LFNG: variants seen among roughly 807,000 people sequenced by gnomAD.
The protein encoded by LFNG is LFNG O-fucosylpeptide 3-beta-N-acetylglucosaminyltransferase.
Under a neutral mutation model 32.7 loss-of-function variants are expected in LFNG, and 15 were observed. The ratio of observed to expected loss-of-function variants is 0.46; its 90% CI spans 0.31 to 0.71. LFNG has a LOEUF of 0.71. Among genes scored for constraint, LFNG ranks in the 30% least tolerant of loss-of-function variants. LFNG has a pLI of 0.06. For missense variants in LFNG, 520 were observed against 545.7 expected (o/e 0.95, Z 0.47); for synonymous variants, 274 against 246.8 (o/e 1.11, Z -1.03).
chr7:2,520,260 G>T lies in LFNG; in HGVS notation c.399G>T (p.Leu133=). The change falls in exon 1 of 8, where the codon CTG becomes CTT. Residue 133 remains leucine (L), a synonymous_variant. Coordinates refer to ENST00000222725, the MANE Select transcript of LFNG (RefSeq NM_001040167.2). The surrounding 1 kb of genome is among the most constrained non-coding windows in gnomAD (Gnocchi z 5.0). ...KKFHRARLDL[L]LETWISRHKE... is the part of the protein sequence containing the mutation. ...TCCACCGCGCGCGCCTCGACCTGCT[G>T]CTGGAGACCTGGATCTCGCGCCACA... 6.2e-7 allele frequency: 1 copy of T among 1,610,398 alleles called. No individual in the cohort carries two copies. Among genetic ancestry groups the T allele is most frequent in the South Asian group, 1.1e-5 (1 of 91,002 alleles).
At chr7:2,528,757 G>C (rs1780072887), downstream of LFNG, 2 of 638,812 alleles carry the variant, frequency 3.1e-6, no homozygotes, top group Non-Finnish European at 2.9e-6. Context: ...CTGGCCACTG[G>C]GGAGCCCAGC....
At chr7:2,514,606 C>T (rs1451719601), upstream of LFNG, among the ~76,000 whole-genome samples, 4 of 151,858 alleles carry the variant, frequency 2.6e-5, no homozygotes, top group African/African-American at 7.3e-5. Context: ...ATCTGTCCAT[C>T]CATTCATCTG....
chr7:2,524,844 G>T, intron 2 of LFNG, 101 bp downstream of exon 2: 1 of 1,110,392 alleles, frequency 9.0e-7, no homozygotes. Context: ...AGGTCACCAA[G>T]GGCAGGACAG....
chr7:2,526,870 G>T lies in LFNG; in HGVS notation c.1022G>T (p.Arg341Leu). The T allele has an allele frequency of 1.2e-6, 2 of 1,612,470 alleles. No individual in the cohort carries two copies. Among genetic ancestry groups the T allele is most frequent in the Non-Finnish European group, 1.7e-6 (2 of 1,179,900 alleles). Residue 341 changes from arginine (R) to leucine (L), a missense_variant, in exon 7 of 8, where the codon CGG (arginine) becomes CTG (leucine). Physicochemically the swap from Arg to Leu is moderately radical, Grantham distance 102. Transcript: ENST00000222725. This position sits in a 1 kb window ranked among gnomAD's most constrained non-coding sequence, Gnocchi z 6.9. ...AGCTACGGTATGTTTGAAAACAAGCGGAACGCCGTCCACGTGAAGGGGCCC... is the reference window on the plus strand; with the variant it reads ...AGCTACGGTATGTTTGAAAACAAGCTGAACGCCGTCCACGTGAAGGGGCCC... ...TLSYGMFENK[R>L]NAVHVKGPFS...
chr7:2,526,864 A>G lies in LFNG; in HGVS notation c.1016A>G (p.Asn339Ser). ...QVTLSYGMFE[N>S]KRNAVHVKGP... ...ACGCTGAGCTACGGTATGTTTGAAAACAAGCGGAACGCCGTCCACGTGAAG... is the reference window on the plus strand; with the variant it reads ...ACGCTGAGCTACGGTATGTTTGAAAGCAAGCGGAACGCCGTCCACGTGAAG... Residue 339 changes from asparagine to serine, a missense_variant, in exon 7 of 8, where the codon AAC becomes AGC. By Grantham distance (46) the Asn-to-Ser change is conservative. Around this residue, in one of 3 missense-constraint regions of LFNG, gnomAD observed 150 missense variants for 159.9 expected, o/e 0.94. Coordinates refer to ENST00000222725, the MANE Select transcript of LFNG (RefSeq NM_001040167.2). The surrounding 1 kb of genome is among the most constrained non-coding windows in gnomAD (Gnocchi z 6.9). 6.2e-7 allele frequency: 1 copy of G among 1,609,990 alleles called. No individual in the cohort carries two copies. Among genetic ancestry groups the G allele is most frequent in the Middle Eastern group, 1.7e-4 (1 of 6,052 alleles).
chr7:2,520,656 T>A lies in LFNG; in HGVS notation c.432+363T>A, dbSNP rs947006829. On this transcript the variant is annotated intron_variant, in intron 1 of 7. Coordinates refer to ENST00000222725, the MANE Select transcript of LFNG (RefSeq NM_001040167.2). The surrounding 1 kb of genome is among the most constrained non-coding windows in gnomAD (Gnocchi z 5.0). ...TCAAACTTCCACAAGCAAATTCTGTTCGGACCCACCCTCAGCTCAGACCCC... is the reference window on the plus strand; with the variant it reads ...TCAAACTTCCACAAGCAAATTCTGTACGGACCCACCCTCAGCTCAGACCCC... Among the ~76,000 whole-genome samples, 4 of 152,238 alleles carry A rather than the reference T, an allele frequency of 2.6e-5. No individual in the cohort carries two copies. Among genetic ancestry groups the A allele is most frequent in the Non-Finnish European group, 5.9e-5 (4 of 68,046 alleles).
At chr7:2,518,720 A>G, upstream of LFNG, 4 of 1,385,482 alleles carry the variant, frequency 2.9e-6, no homozygotes, top group Admixed American at 6.9e-5. Context: ...GGTCGCAGAG[A>G]CCCTGCTTAG....
upstream of LFNG, chr7:2,518,582 C>T (rs1779688294): frequency 6.2e-7 from 1 of 1,602,504 alleles, no homozygotes; most frequent in South Asian, 1.1e-5. Context: ...TGTCTTGCGG[C>T]TGACATTCAG....
intron 1 of LFNG, among the ~76,000 whole-genome samples, chr7:2,521,640 G>T (rs1402346807): frequency 6.6e-6 from 1 of 152,152 alleles, no homozygotes; most frequent in Admixed American, 6.5e-5. Context: ...TTACTGCTAT[G>T]TGATCTTGGG....
upstream of LFNG, among the ~76,000 whole-genome samples, chr7:2,514,816 G>A (rs972348091): frequency 4.8e-4 from 53 of 111,358 alleles, no homozygotes; most frequent in Non-Finnish European, 6.2e-4. Flanking sequence ...CGGTCTGTCT[G>A]TCCATCCATC....
At position 2,526,165 on chromosome 7, in the gene LFNG, T is replaced by A; in HGVS notation, c.822-79T>A. On this transcript the variant is annotated intron_variant, in intron 5 of 7. Transcript: ENST00000222725. The surrounding 1 kb of genome is among the most constrained non-coding windows in gnomAD (Gnocchi z 6.9). Reference sequence around the variant, plus strand: ...TCCTCTCCCTGAGGAGTGCAGCGCCTTTGCCTGGTGGGGCCTCCCCAGCTC... The same window carrying A: ...TCCTCTCCCTGAGGAGTGCAGCGCCATTGCCTGGTGGGGCCTCCCCAGCTC... The A allele has an allele frequency of 6.6e-7, 1 of 1,525,386 alleles. No individual in the cohort carries two copies. 94.5% of individuals were successfully genotyped at this position (1,525,386 alleles called of 1,614,324 possible).
chr7:2,524,413 C>T (rs529602396), intron 1 of LFNG, among the ~76,000 whole-genome samples: 53 of 152,332 alleles, frequency 3.5e-4, no homozygotes, highest in South Asian at 1.0e-3. Flanking sequence ...TGCCTCACCG[C>T]GCCTGGACGA....
In LFNG at chr7:2,526,992, C is replaced by T. The variant is rs1439314105; in HGVS notation, c.1073+71C>T. 25 of 1,477,570 alleles carry T rather than the reference C, an allele frequency of 1.7e-5. No individual in the cohort carries two copies. The highest frequency in any genetic ancestry group is 5.6e-6 in the Non-Finnish European group (6 of 1,064,096). 91.5% of individuals were successfully genotyped at this position (1,477,570 alleles called of 1,614,324 possible). A position where few individuals can be genotyped will look rare whatever the true frequency, so the allele number is the denominator to read the frequency against. On this transcript the variant is annotated intron_variant, in intron 7 of 7. Coordinates refer to ENST00000222725, the MANE Select transcript of LFNG (RefSeq NM_001040167.2). The surrounding 1 kb of genome is among the most constrained non-coding windows in gnomAD (Gnocchi z 6.9). ...GGCGTCAGGGGGCCTCGTGGAGCTG[C>T]AGCAGGGTCTCTCTAAGCGGCATGA...
chr7:2,520,452 C>G lies in LFNG; in HGVS notation c.432+159C>G, dbSNP rs1401358562. On this transcript the variant is annotated intron_variant, in intron 1 of 7. Coordinates refer to ENST00000222725, the MANE Select transcript of LFNG (RefSeq NM_001040167.2). This position sits in a 1 kb window ranked among gnomAD's most constrained non-coding sequence, Gnocchi z 5.0. ...GTGCACCCCGGTGCACCCAGTTTGC[C>G]TGCTGGGGCCACTCTCCCGTTACAG... is the stretch of plus-strand genomic sequence containing the variant. 6.6e-6 allele frequency among the ~76,000 whole-genome samples: 1 copy of G among 152,194 alleles called. No homozygotes were observed. Among genetic ancestry groups the G allele is most frequent in the Non-Finnish European group, 1.5e-5 (1 of 68,024 alleles).
chr7:2,513,191 G>C (rs187443334), upstream of LFNG: 2 of 1,613,906 alleles, frequency 1.2e-6, no homozygotes, highest in Non-Finnish European at 8.5e-7. Flanking sequence ...CAAATGCTCA[G>C]GAAGGCTGTG....
At position 2,527,311 on chromosome 7, in the gene LFNG, G is replaced by C. The variant is rs1780018838; in HGVS notation, c.*99G>C. The C allele has an allele frequency of 2.6e-6, 4 of 1,553,510 alleles. No homozygotes were observed. Among genetic ancestry groups the C allele is most frequent in the Admixed American group, 3.8e-5 (2 of 52,660 alleles). On this transcript the variant is annotated 3_prime_UTR_variant, in exon 8 of 8. Transcript: ENST00000222725. This position sits in a 1 kb window ranked among gnomAD's most constrained non-coding sequence, Gnocchi z 4.4. ...GGCCTCGGCATTCGAGGCTCCCCTA[G>C]GGCCGTGCCTGTGCGTGTGCGTGTG...
Position 2,527,345 on chromosome 7 carries a change from T to C in LFNG, c.*133T>C, listed in dbSNP as rs1780024267. On this transcript the variant is annotated 3_prime_UTR_variant, in exon 8 of 8. Coordinates refer to ENST00000222725, the MANE Select transcript of LFNG (RefSeq NM_001040167.2). This position sits in a 1 kb window ranked among gnomAD's most constrained non-coding sequence, Gnocchi z 4.4. ...CTGTGCGTGTGCGTGTGCGTGTGTG[T>C]GTGTGTGTACTGCATGCCCACCCGG... is the stretch of plus-strand genomic sequence containing the variant. The C allele has an allele frequency of 2.0e-6, 3 of 1,528,490 alleles. No homozygotes were observed. Among genetic ancestry groups the C allele is most frequent in the Non-Finnish European group, 2.6e-6 (3 of 1,143,298 alleles). 94.7% of individuals were successfully genotyped at this position (1,528,490 alleles called of 1,614,324 possible).
Position 2,526,828 on chromosome 7 carries a change from C to T in LFNG, c.988-8C>T, listed in dbSNP as rs139411864. On this transcript the variant is annotated splice_polypyrimidine_tract_variant and splice_region_variant and intron_variant, in intron 6 of 7. Coordinates refer to ENST00000222725, the MANE Select transcript of LFNG (RefSeq NM_001040167.2). The surrounding 1 kb of genome is among the most constrained non-coding windows in gnomAD (Gnocchi z 6.9). Reference sequence around the variant, plus strand: ...CCCTCCCGGCATCACTCCGCCCGCTCCCCACAGGTGACGCTGAGCTACGGT... The same window carrying T: ...CCCTCCCGGCATCACTCCGCCCGCTTCCCACAGGTGACGCTGAGCTACGGT... 1 of 1,612,246 alleles carries T rather than the reference C, an allele frequency of 6.2e-7. No homozygotes were observed. Among genetic ancestry groups the T allele is most frequent in the East Asian group, 2.2e-5 (1 of 44,836 alleles).
Position 2,520,474 on chromosome 7 carries a change from A to G in LFNG, c.432+181A>G, listed in dbSNP as rs996709361. On this transcript the variant is annotated intron_variant, in intron 1 of 7. Transcript: ENST00000222725. This position sits in a 1 kb window ranked among gnomAD's most constrained non-coding sequence, Gnocchi z 5.0. ...TGCCTGCTGGGGCCACTCTCCCGTTACAGTTGTGTTACTGTCCCCGGGGCC... is the reference window on the plus strand; with the variant it reads ...TGCCTGCTGGGGCCACTCTCCCGTTGCAGTTGTGTTACTGTCCCCGGGGCC... Among the ~76,000 whole-genome samples the G allele has an allele frequency of 6.6e-6, 1 of 152,054 alleles. No homozygotes were observed. Among genetic ancestry groups the G allele is most frequent in the Non-Finnish European group, 1.5e-5 (1 of 68,016 alleles).
Sources: gnomAD v4.1 joint callset for allele counts (sites outside exome capture counted in the v4.1 genomes callset) on GRCh38, gnomAD v4.1.1 for gene constraint, gnomAD v4.1.1 regional missense constraint, Gnocchi (gnomAD v3.1) non-coding constraint, MANE v1.5 for transcripts, NCBI Gene and HGNC (gene_info 2026-07-23, HGNC 2026-07-21) for gene names.